SPAG5: variants seen among roughly 807,000 people sequenced by gnomAD.
The protein encoded by SPAG5 is sperm-associated antigen 5.
SPAG5 carries 99 observed loss-of-function variants against 145.4 expected under a neutral mutation model. The observed-to-expected ratio is 0.68, with a 90% CI of 0.58 to 0.80. The LOEUF is 0.80. Ranked by LOEUF, SPAG5 falls within the 30% of genes least tolerant of loss-of-function variation. The pLI, the probability that SPAG5 is intolerant of heterozygous loss-of-function variation, is 0.00. For missense variants in SPAG5, 1,192 were observed against 1,416.0 expected, an observed-to-expected ratio of 0.84 and a Z score of 2.54; for synonymous variants, 477 against 525.4, an observed-to-expected ratio of 0.91 and a Z score of 1.26.
chr17:28,592,113 G>A lies in SPAG5; in HGVS notation c.1131C>T (p.Thr377=). 6.2e-7 allele frequency: 1 copy of A among 1,614,152 alleles called. No individual in the cohort carries two copies. Residue 377 remains threonine, a synonymous_variant, in exon 3 of 24, where the codon ACC becomes ACT. Transcript: ENST00000321765. The stretch of plus-strand genomic sequence containing the variant: ...TCCCCACCGAGCAAGTAGAGAAAGG[G>A]GTAGTGCCAATTGCAGCATCCCGAA... ...SMLRDAAIGT[T]PFSTCSVGTW...
chr17:28,590,662 A>G (rs2070614175), intron 4 of SPAG5, among the ~76,000 whole-genome samples: 1 of 152,000 alleles, frequency 6.6e-6, no homozygotes, highest in East Asian at 1.9e-4. Flanking sequence ...TGAGGGCAGG[A>G]GTTCGAGACC....
intron 20 of SPAG5, 30 bp from the exon 21 acceptor site, chr17:28,578,558 A>G (rs766871234): frequency 6.2e-7 from 1 of 1,608,816 alleles, no homozygotes; most frequent in African/African-American, 1.3e-5. Flanking sequence ...GGTGTCCAAT[A>G]GGACATAAGG....
intron 5 of SPAG5, 88 bp downstream of exon 5, chr17:28,586,337 A>T: frequency 8.0e-7 from 1 of 1,247,432 alleles, no homozygotes; most frequent in Non-Finnish European, 1.2e-6. Context: ...ACCACGACTT[A>T]GTATCACCAT....
intron 4 of SPAG5, among the ~76,000 whole-genome samples, chr17:28,590,051 A>C (rs2070610116): frequency 6.6e-6 from 1 of 152,246 alleles, no homozygotes; most frequent in Non-Finnish European, 1.5e-5. Flanking sequence ...AGGATAGAGA[A>C]ATCTTTTAAT....
rs1266513707 is a variant in SPAG5, at chr17:28,584,130, G to A, written c.2412+20C>T. On this transcript the variant is annotated intron_variant, in intron 13 of 23. Transcript: ENST00000321765. The stretch of plus-strand genomic sequence containing the variant: ...CTCCTGAGGCTTACCAGCTCCCTTG[G>A]CCCAAGCCATATTCCTTACCTCCAA... 4 of 1,612,878 alleles carry A rather than the reference G, an allele frequency of 2.5e-6. No individual in the cohort carries two copies. The East Asian group carries it at 8.9e-5, about 36-fold the overall frequency.
chr17:28,578,056 T>C lies in SPAG5; in HGVS notation c.3464A>G (p.Asp1155Gly), dbSNP rs1471709669. ...GTCATCTAGTTTTTCTAACTCCTTG[T>C]CAGAGCGCCGAAGGTTCTCCTCTAG... ...NILEENLRRS[D>G]KELEKLDDIV... Residue 1155 changes from aspartate to glycine, a missense_variant, in exon 23 of 24, where the codon GAC becomes GGC. Transcript: ENST00000321765. 6.2e-7 allele frequency: 1 copy of C among 1,614,148 alleles called. No homozygotes were observed.
At position 28,598,939 on chromosome 17, in the gene SPAG5, C is replaced by T; in HGVS notation, c.8G>A (p.Arg3Gln). Reference protein sequence around the residue: MWRVKKLSLSLSP... With the variant: MWQVKKLSLSLSP... ...CAGGCTGAGGCTCAGTTTTTTCACT[C>T]GCCACATCTTCAACCAGAAGGCAGG... The change falls in exon 1 of 24, where the codon CGA (arginine) becomes CAA (glutamine). Residue 3 changes from arginine to glutamine, a missense_variant. Physicochemically the swap from Arg to Gln is conservative, Grantham distance 43. This residue lies in a region of SPAG5 where 329 missense variants were observed against 354.0 expected (regional missense o/e 0.93). Transcript: ENST00000321765. 2 of 1,614,010 alleles carry T rather than the reference C, an allele frequency of 1.2e-6. No individual in the cohort carries two copies. Among genetic ancestry groups the T allele is most frequent in the African/African-American group, 1.3e-5 (1 of 75,008 alleles).
intron 12 of SPAG5, 39 bp downstream of exon 12, chr17:28,584,294 C>T (rs770422705): frequency 6.2e-7 from 1 of 1,613,974 alleles, no homozygotes; most frequent in Non-Finnish European, 8.5e-7. Flanking sequence ...GTCCTAAATC[C>T]TGGATGCCTA....
Position 28,585,645 on chromosome 17 carries a change from T to C in SPAG5, c.1749A>G (p.Ile583Met). 1 of 1,613,748 alleles carries C rather than the reference T, an allele frequency of 6.2e-7. No individual in the cohort carries two copies. The highest frequency in any genetic ancestry group is 8.5e-7 in the Non-Finnish European group (1 of 1,180,034). ...CGTGTGCACAGAAAGCCTCCAACAC[T>C]ATCTCTGCCTATTGAGGGAAGTGGT... ...MALRGKDAAE[I>M]VLEAFCAHAS... is the part of the protein sequence containing the mutation. Residue 583 changes from isoleucine (I) to methionine (M), a missense_variant, in exon 8 of 24, where the codon ATA becomes ATG. Ile to Met is a conservative substitution (Grantham distance 10, BLOSUM62 1). Coordinates refer to ENST00000321765, the MANE Select transcript of SPAG5 (RefSeq NM_006461.4).
chr17:28,584,841 A>G, intron 10 of SPAG5, 96 bp from the exon 11 acceptor site: 1 of 991,778 alleles, frequency 1.0e-6, no homozygotes, highest in South Asian at 1.3e-5. Context: ...ACAGAAAACT[A>G]CCTTGCTCCT....
Position 28,592,230 on chromosome 17 carries a change from A to G in SPAG5, c.1014T>C (p.Ser338=). 6.2e-7 allele frequency: 1 copy of G among 1,614,224 alleles called. No homozygotes were observed. Among genetic ancestry groups the G allele is most frequent in the African/African-American group, 1.3e-5 (1 of 75,048 alleles). ...CCAGCCAGGCCAGTGGGGACATCCA[A>G]GACTCTGTATCAGAGCCAAGAATCC... is the stretch of plus-strand genomic sequence containing the variant. ...VGRILGSDTE[S]WMSPLAWLEK... is the part of the protein sequence containing the mutation. Residue 338 remains serine, a synonymous_variant, in exon 3 of 24, where the codon TCT becomes TCC. Transcript: ENST00000321765.
At position 28,598,567 on chromosome 17, in the gene SPAG5, T is replaced by A. The variant is rs1303011911; in HGVS notation, c.120A>T (p.Gly40=). ...TLQPGALTNS[G]KRSPACSSLT... ...GCGAGGAGCAAGCGGGGGATCTTTT[T>A]CCAGAGTTGGTGAGGGCACCGGGCT... Residue 40 remains glycine (G), a synonymous_variant, in exon 2 of 24, where the codon GGA becomes GGT. Transcript: ENST00000321765. 2 of 1,613,840 alleles carry A rather than the reference T, an allele frequency of 1.2e-6. No homozygotes were observed. The highest frequency in any genetic ancestry group is 1.3e-5 in the African/African-American group (1 of 75,006).
At chr17:28,586,969 G>A (rs1175673004) in intron 4 of SPAG5, among the ~76,000 whole-genome samples, 2 of 151,994 alleles carry the variant, frequency 1.3e-5, no homozygotes, top group African/African-American at 2.4e-5. Context: ...TGCCCTGGCT[G>A]GTCTCAAACT....
intron 4 of SPAG5, among the ~76,000 whole-genome samples, chr17:28,587,575 G>A (rs1396443370): frequency 6.6e-6 from 1 of 151,788 alleles, no homozygotes; most frequent in Non-Finnish European, 1.5e-5. Flanking sequence ...TCATTAGCCA[G>A]GCATGGTGGC....
intron 2 of SPAG5, among the ~76,000 whole-genome samples, chr17:28,593,315 C>T (rs1350266707): frequency 1.3e-5 from 2 of 152,158 alleles, no homozygotes; most frequent in East Asian, 1.9e-4. Flanking sequence ...AGATCCATAT[C>T]GTGGGCAGAT....
chr17:28,593,366 C>CT lies in SPAG5; in HGVS notation c.178-301dup, dbSNP rs546758284. On this transcript the variant is annotated intron_variant, in intron 2 of 23. Coordinates refer to ENST00000321765, the MANE Select transcript of SPAG5 (RefSeq NM_006461.4). ...ACCCCACTCATCTCCATTCTGAACTCTAACGCACTTCTAGATGAACAGATA... is the reference window on the plus strand; with the variant it reads ...ACCCCACTCATCTCCATTCTGAACTCTTAACGCACTTCTAGATGAACAGATA... 8.1e-3 allele frequency among the ~76,000 whole-genome samples: 1,230 copies of CT among 152,236 alleles called. 16 individuals carry two copies. Among genetic ancestry groups the CT allele is most frequent in the Non-Finnish European group, 0.01 (681 of 68,012 alleles).
chr17:28,591,653 G>T, intron 4 of SPAG5, 45 bp downstream of exon 4: 1 of 1,530,698 alleles, frequency 6.5e-7, no homozygotes, highest in Non-Finnish European at 8.8e-7. Context: ...TAAATTCCAA[G>T]GATCCCCACT....
At chr17:28,584,012 A>G (rs756949452) in intron 13 of SPAG5, 26 bp from the exon 14 acceptor site, 1 of 1,613,742 alleles carries the variant, frequency 6.2e-7, no homozygotes, top group Non-Finnish European at 8.5e-7. Flanking sequence ...AAGGAGCAAG[A>G]CAGGGAGGGA....
chr17:28,594,896 G>T (rs2070650533), intron 2 of SPAG5, among the ~76,000 whole-genome samples: 1 of 151,502 alleles, frequency 6.6e-6, no homozygotes, highest in South Asian at 2.1e-4. Flanking sequence ...GGAGTTCAAG[G>T]TTGCAATAAG....
Sources: allele counts gnomAD v4.1 joint callset (sites outside exome capture counted in the v4.1 genomes callset), GRCh38; gene constraint gnomAD v4.1.1; regional missense constraint gnomAD v4.1.1; transcripts MANE v1.5; gene names NCBI Gene and HGNC (gene_info 2026-07-23, HGNC 2026-07-21).